The following KDSR variants were observed in gnomAD, a reference collection of about 807,000 sequenced individuals.
KDSR encodes the protein 3-dehydrosphinganine reductase.
Under a neutral mutation model 41.3 loss-of-function variants are expected in KDSR, and 23 were observed. The observed-to-expected ratio is 0.56, with a 90% CI of 0.40 to 0.79. The LOEUF is 0.79. KDSR is among the 30% of genes least tolerant of loss of function. KDSR has a pLI of 0.00. For missense variants in KDSR, 351 were observed against 416.8 expected (o/e 0.84, Z 1.37); for synonymous variants, 138 against 151.7 (o/e 0.91, Z 0.66).
rs575535415 is a variant in KDSR, at chr18:63,331,591, A to T, written c.*191T>A. On this transcript the variant is annotated 3_prime_UTR_variant, in exon 10 of 10. Transcript: ENST00000645214. ...AAATGGTCTCCTATTCCATATTTGC[A>T]TAGTATTAATAATACTGTCAGGAGG... 2.3e-5 allele frequency: 11 copies of T among 484,262 alleles called. No homozygotes were observed. The highest frequency in any genetic ancestry group is 3.6e-5 in the Non-Finnish European group (10 of 274,438). 30.0% of individuals were successfully genotyped at this position (484,262 alleles called of 1,614,324 possible).
Position 63,335,259 on chromosome 18 carries a change from G to C in KDSR, c.877C>G (p.Gln293Glu). The change falls in exon 9 of 10, where the codon CAG (glutamine) becomes GAG (glutamate). Residue 293 changes from glutamine to glutamate, a missense_variant and splice_region_variant. By Grantham distance (29) the Gln-to-Glu change is conservative. Coordinates refer to ENST00000645214, the MANE Select transcript of KDSR (RefSeq NM_002035.4). ...TTGCTAGCCTAGGCAGAGCTTACCTGCTGGAGCCCCTCAGTAATAGAAGTT... is the reference window on the plus strand; with the variant it reads ...TTGCTAGCCTAGGCAGAGCTTACCTCCTGGAGCCCCTCAGTAATAGAAGTT... The part of the protein sequence containing the change: ...PVTSITEGLQ[Q>E]VVTMGLFRTI... The C allele has an allele frequency of 6.2e-7, 1 of 1,608,116 alleles. No individual in the cohort carries two copies. The highest frequency in any genetic ancestry group is 1.1e-5 in the South Asian group (1 of 90,910).
rs763288681 is a variant in KDSR, at chr18:63,351,049, C to T, written c.448G>A (p.Val150Met). Residue 150 changes from valine to methionine, a missense_variant, in exon 6 of 10, where the codon GTG becomes ATG. Coordinates refer to ENST00000645214, the MANE Select transcript of KDSR (RefSeq NM_002035.4). ...GTGATCACGGCCCGGCTGGGGTACA[C>T]GCTGCCCAGGTAATTGATGCTCATT... ...RLMSINYLGS[V>M]YPSRAVITTM... 7.8e-5 allele frequency: 126 copies of T among 1,613,772 alleles called. No individual in the cohort carries two copies. The highest frequency in any genetic ancestry group is 2.2e-4 in the Admixed American group (13 of 59,982).
intron 6 of KDSR, among the ~76,000 whole-genome samples, chr18:63,348,366 A>G (rs1914575596): frequency 6.6e-6 from 1 of 152,002 alleles, no homozygotes; most frequent in African/African-American, 2.4e-5. Context: ...CAATTACATA[A>G]GATTTCATTG....
At chr18:63,342,594 T>G (rs1027610123) in intron 7 of KDSR, among the ~76,000 whole-genome samples, 5 of 152,216 alleles carry the variant, frequency 3.3e-5, no homozygotes, top group Non-Finnish European at 7.3e-5. Flanking sequence ...AAAGGAAATG[T>G]CACTATAGAA....
At chr18:63,333,548 G>A (rs969634747) in intron 9 of KDSR, among the ~76,000 whole-genome samples, 10 of 152,160 alleles carry the variant, frequency 6.6e-5, no homozygotes, top group Admixed American at 5.9e-4. Context: ...CATAGTGGTT[G>A]CAGGGACTGT....
intron 3 of KDSR, chr18:63,359,408 C>A: frequency 4.5e-6 from 1 of 222,646 alleles, no homozygotes; most frequent in Non-Finnish European, 9.0e-6. Flanking sequence ...TTTTATTCAT[C>A]AAAAATTCCA....
Position 63,362,787 on chromosome 18 carries a change from G to C in KDSR, c.190C>G (p.Arg64Gly). 2 of 1,609,958 alleles carry C rather than the reference G, an allele frequency of 1.2e-6. No homozygotes were observed. Among genetic ancestry groups the C allele is most frequent in the Non-Finnish European group, 1.7e-6 (2 of 1,176,588 alleles). ...GAACCTAGAAGCCTTACCTCATTTC[G>C]TGCAACCAGAGTTATAAAAGCTCCT... ...KQGAFITLVA[R>G]NEDKLLQAKK... Residue 64 changes from arginine to glycine, a missense_variant, in exon 2 of 10, where the codon CGA (arginine) becomes GGA (glycine). Arg to Gly is a moderately radical substitution (Grantham distance 125). Coordinates refer to ENST00000645214, the MANE Select transcript of KDSR (RefSeq NM_002035.4).
intron 9 of KDSR, among the ~76,000 whole-genome samples, 200 bp from the exon 10 acceptor site, chr18:63,332,101 C>T (rs1052408889): frequency 2.0e-5 from 3 of 152,190 alleles, no homozygotes; most frequent in African/African-American, 4.8e-5. Flanking sequence ...AGATACATAA[C>T]AAAATATTTG....
intron 1 of KDSR, chr18:63,366,625 T>G: frequency 6.0e-6 from 1 of 165,740 alleles, no homozygotes; most frequent in Non-Finnish European, 1.3e-5. Flanking sequence ...CGCTGTGTCC[T>G]TGGCAAAGTT....
chr18:63,339,444 C>T (rs1914278821), intron 7 of KDSR, among the ~76,000 whole-genome samples: 1 of 152,242 alleles, frequency 6.6e-6, no homozygotes, highest in Non-Finnish European at 1.5e-5. Flanking sequence ...GCACAGGACA[C>T]TGAAACAGAA....
At chr18:63,337,112 G>A (rs1444839924) in intron 8 of KDSR, among the ~76,000 whole-genome samples, 2,927 of 17,660 alleles carry the variant, frequency 0.17, 210 homozygotes, top group Non-Finnish European at 0.25. Flanking sequence ...ATATATATGT[G>A]AATATATATA....
Position 63,331,409 on chromosome 18 carries a change from T to G in KDSR, c.*373A>C, listed in dbSNP as rs1175503004. ...AAACAAAGTCCTCAAGATTTCTTTA[T>G]GTGCCAGAAAGTACATTTCTGGACT... is the stretch of plus-strand genomic sequence containing the variant. On this transcript the variant is annotated 3_prime_UTR_variant, in exon 10 of 10. Transcript: ENST00000645214. 1 of 235,068 alleles carries G rather than the reference T, an allele frequency of 4.3e-6. No homozygotes were observed. The highest frequency in any genetic ancestry group is 8.4e-6 in the Non-Finnish European group (1 of 119,458). 14.6% of individuals were successfully genotyped at this position (235,068 alleles called of 1,614,324 possible). A position where few individuals can be genotyped will look rare whatever the true frequency, so the allele number is the denominator to read the frequency against.
At chr18:63,362,049 A>G (rs949880640) in intron 2 of KDSR, among the ~76,000 whole-genome samples, 12 of 151,986 alleles carry the variant, frequency 7.9e-5, no homozygotes, top group African/African-American at 2.9e-4. Flanking sequence ...TCCTCCCTTC[A>G]TTTCTTCATT....
chr18:63,350,867 A>G, intron 6 of KDSR, 21 bp downstream of exon 6: 14 of 1,576,818 alleles, frequency 8.9e-6, no homozygotes, highest in Non-Finnish European at 1.0e-5. Flanking sequence ...GAATAAATAC[A>G]AAAATGAATA....
chr18:63,350,521 TATTC>T (rs1914633162), intron 6 of KDSR, among the ~76,000 whole-genome samples: 1 of 152,240 alleles, frequency 6.6e-6, no homozygotes, highest in African/African-American at 2.4e-5. Context: ...TTTCACGTAT[TATTC>T]AGTCATAAGG....
At chr18:63,347,214 G>A (rs931628138) in intron 6 of KDSR, among the ~76,000 whole-genome samples, 3 of 152,032 alleles carry the variant, frequency 2.0e-5, no homozygotes, top group Non-Finnish European at 4.4e-5. Flanking sequence ...TTCAAGAACC[G>A]ATTTGTGGGC....
chr18:63,357,585 TA>T, intron 3 of KDSR, among the ~76,000 whole-genome samples: 2 of 61,962 alleles, frequency 3.2e-5, no homozygotes, highest in Non-Finnish European at 6.0e-5. Context: ...TATATATATA[TA>T]TATATATATT....
intron 7 of KDSR, among the ~76,000 whole-genome samples, chr18:63,341,993 G>A (rs1437792361): frequency 2.6e-5 from 4 of 151,632 alleles, no homozygotes; most frequent in Non-Finnish European, 4.4e-5. Flanking sequence ...GTGAAACCCC[G>A]TCTCTACTAA....
At chr18:63,349,600 A>C (rs1369230865) in intron 6 of KDSR, among the ~76,000 whole-genome samples, 2 of 152,376 alleles carry the variant, frequency 1.3e-5, no homozygotes, top group East Asian at 3.9e-4. Context: ...TGAGAATGGC[A>C]TGATCTATCA....
Sources: gnomAD v4.1 joint callset for allele counts (sites outside exome capture counted in the v4.1 genomes callset) on GRCh38, gnomAD v4.1.1 for gene constraint, MANE v1.5 for transcripts, NCBI Gene and HGNC (gene_info 2026-07-23, HGNC 2026-07-21) for gene names.